ZFHX3: variants seen among roughly 807,000 people sequenced by gnomAD.
The protein encoded by ZFHX3 is zinc finger homeobox protein 3.
In ZFHX3, 42 loss-of-function variants were observed where a neutral mutation model predicts 279.1. The observed-to-expected ratio is 0.15, with a 90% CI of 0.12 to 0.19. ZFHX3 has a LOEUF of 0.19. Ranked by LOEUF, ZFHX3 falls within the 10% of genes least tolerant of loss-of-function variation. The pLI is 1.00. For synonymous variants in ZFHX3, 2,293 were observed against 1,957.8 expected (o/e 1.17, Z -4.52); for missense variants, 4,981 against 4,754.0 (o/e 1.05, Z -1.40).
intron 1 of ZFHX3, chr16:73,809,415 A>G (rs1209097675): frequency 6.6e-6 from 1 of 152,208 alleles, no homozygotes; most frequent in Non-Finnish European, 1.5e-5. Flanking sequence ...CTGCCGCTTC[A>G]TTCAAAGGAG....
intron 2 of ZFHX3, among the ~76,000 whole-genome samples, chr16:73,649,492 G>C (rs972665310): frequency 6.6e-6 from 1 of 152,142 alleles, no homozygotes; most frequent in Non-Finnish European, 1.5e-5. Flanking sequence ...TCAAGTGATT[G>C]TCTTTGGGTA....
intron 2 of ZFHX3, among the ~76,000 whole-genome samples, chr16:73,675,041 G>A (rs1314408728): frequency 6.6e-6 from 1 of 152,152 alleles, no homozygotes; most frequent in Non-Finnish European, 1.5e-5. Context: ...CCAGCTGTCA[G>A]TGATACTCTG....
chr16:73,791,190 C>A lies in ZFHX3; in HGVS notation c.-1608+100461G>T, dbSNP rs142533340. ...GTGTTGCCCAGGCTGGTCTCAAATG[C>A]CTGGACTCAAGCAATCCTCCTGCCT... On this transcript the variant is annotated intron_variant, in intron 1 of 17. Coordinates refer to the ZFHX3 transcript ENST00000641206. Among the ~76,000 whole-genome samples the A allele has an allele frequency of 1.6e-4, 25 of 152,250 alleles. No individual in the cohort carries two copies. The East Asian group carries it at 4.8e-3, about 29-fold the overall frequency.
chr16:73,570,968 G>A lies in ZFHX3; in HGVS notation c.-1547+109212C>T, dbSNP rs546655350. ...TCTTCTCAAAAAAAAAAAAAAATCTGCAAACACTGTGTTAAGACATCATTC... is the reference window on the plus strand; with the variant it reads ...TCTTCTCAAAAAAAAAAAAAAATCTACAAACACTGTGTTAAGACATCATTC... On this transcript the variant is annotated intron_variant, in intron 2 of 17. Coordinates refer to the ZFHX3 transcript ENST00000641206. 2.3e-5 allele frequency among the ~76,000 whole-genome samples: 3 copies of A among 132,256 alleles called. No individual in the cohort carries two copies. The East Asian group carries it at 6.2e-4, about 28-fold the overall frequency. 86.8% of individuals were successfully genotyped at this position (132,256 alleles called of 152,430 possible).
In ZFHX3 at chr16:73,424,643, G is replaced by A. The variant is rs754020167; in HGVS notation, c.-1291+31360C>T. 1.1e-4 allele frequency among the ~76,000 whole-genome samples: 16 copies of A among 150,882 alleles called. 1 individual carries two copies. Among genetic ancestry groups the A allele is most frequent in the Non-Finnish European group, 2.1e-4 (14 of 67,830 alleles). ...GTGGTCCATGCTTATAGTCTCAGCC[G>A]CTTGGGAGGCTGAGATGGGAGGAGC... On this transcript the variant is annotated intron_variant, in intron 3 of 17. Transcript: ENST00000641206.
At chr16:73,086,524 A>G (rs1170241815) in intron 8 of ZFHX3, among the ~76,000 whole-genome samples, 1 of 152,232 alleles carries the variant, frequency 6.6e-6, no homozygotes, top group African/African-American at 2.4e-5. Flanking sequence ...AATATTACTC[A>G]GCTACAAAAA....
chr16:72,894,751 T>C (rs964501938), intron 3 of ZFHX3, among the ~76,000 whole-genome samples: 1 of 152,172 alleles, frequency 6.6e-6, no homozygotes, highest in Non-Finnish European at 1.5e-5. Context: ...AGTGGTGCAC[T>C]CAAGAAAGGA....
At position 73,496,257 on chromosome 16, in the gene ZFHX3, G is replaced by A. The variant is rs548921352; in HGVS notation, c.-1546-39999C>T. ...TCTTAGAAACACATCGTGGCCGGGCGTGGCGGCTCACGCCTGTAATCCCAG... is the reference window on the plus strand; with the variant it reads ...TCTTAGAAACACATCGTGGCCGGGCATGGCGGCTCACGCCTGTAATCCCAG... On this transcript the variant is annotated intron_variant, in intron 2 of 17. Coordinates refer to the ZFHX3 transcript ENST00000641206. 3.3e-5 allele frequency among the ~76,000 whole-genome samples: 5 copies of A among 152,362 alleles called. No homozygotes were observed. The South Asian group carries it at 8.3e-4, about 25-fold the overall frequency.
intron 3 of ZFHX3, among the ~76,000 whole-genome samples, chr16:73,454,451 G>C (rs1052505971): frequency 4.0e-5 from 6 of 151,714 alleles, no homozygotes; most frequent in Non-Finnish European, 4.4e-5. Context: ...CGTGTTCTTT[G>C]AATTCCCTAA....
intron 3 of ZFHX3, among the ~76,000 whole-genome samples, chr16:73,436,016 T>C (rs1037531657): frequency 2.4e-4 from 37 of 152,176 alleles, no homozygotes; most frequent in Non-Finnish European, 2.2e-4. Context: ...AAGACACACC[T>C]GAGACTGGGT....
At chr16:73,568,040 G>A (rs189656624) in intron 2 of ZFHX3, among the ~76,000 whole-genome samples, 8 of 152,246 alleles carry the variant, frequency 5.3e-5, no homozygotes, top group Admixed American at 2.6e-4. Flanking sequence ...CTTCAACAAA[G>A]GGTCAGGAAG....
At chr16:73,057,023 A>T (rs1965570508) in intron 1 of ZFHX3, among the ~76,000 whole-genome samples, 1 of 152,214 alleles carries the variant, frequency 6.6e-6, no homozygotes, top group Non-Finnish European at 1.5e-5. Context: ...TATTCTTCAA[A>T]GGTACTTAAC....
At chr16:72,960,653 A>G (rs892826479) in intron 1 of ZFHX3, among the ~76,000 whole-genome samples, 46 of 152,130 alleles carry the variant, frequency 3.0e-4, no homozygotes. Flanking sequence ...AGGGGAACAC[A>G]GGGGAGGGCT....
At chr16:72,887,867 GTA>G (rs2038670185) in intron 4 of ZFHX3, among the ~76,000 whole-genome samples, 2 of 152,034 alleles carry the variant, frequency 1.3e-5, no homozygotes, top group African/African-American at 4.8e-5. Flanking sequence ...CAGAGAAAGT[GTA>G]TGTGTGTGCG....
At chr16:72,966,930 G>T (rs74881441) in intron 1 of ZFHX3, among the ~76,000 whole-genome samples, 2,068 of 152,340 alleles carry the variant, frequency 0.014, 21 homozygotes, top group South Asian at 0.041. Flanking sequence ...GAATGGAGAA[G>T]GGGATTGTGC....
intron 3 of ZFHX3, among the ~76,000 whole-genome samples, chr16:72,949,915 T>TC (rs903949624): frequency 5.1e-5 from 7 of 138,542 alleles, no homozygotes; most frequent in African/African-American, 1.5e-4. Flanking sequence ...TCTTTTCTTT[T>TC]TTTTTTTTTT....
rs1186487921 is a variant in ZFHX3 at position 72,787,702 on chromosome 16, C to A, written c.10574G>T (p.Gly3525Val). 1.5e-6 allele frequency: 2 copies of A among 1,317,882 alleles called. No individual in the cohort carries two copies. Among genetic ancestry groups the A allele is most frequent in the Non-Finnish European group, 2.0e-6 (2 of 1,003,390 alleles). The allele number at this position is 1,317,882 out of a possible 1,614,324, so 81.6% of individuals were successfully genotyped here. ...CGCCAGGCAGTGGTACGAGCCGCCGCCGCCGCCGCCGCCGCCACCGCCGCC... is the reference window on the plus strand; with the variant it reads ...CGCCAGGCAGTGGTACGAGCCGCCGACGCCGCCGCCGCCGCCACCGCCGCC... ...GGGGGGGGGG[G>V]GGSYHCLACE... The change falls in exon 10 of 10, where the codon GGC becomes GTC. Residue 3525 changes from glycine (G) to valine (V), a missense_variant. Around this residue, in one of 7 missense-constraint regions of ZFHX3, gnomAD observed 1,034 missense variants for 786.0 expected, o/e 1.32. Coordinates refer to ENST00000268489, the MANE Select transcript of ZFHX3 (RefSeq NM_006885.4).
intron 1 of ZFHX3, among the ~76,000 whole-genome samples, chr16:72,986,311 T>A (rs1007759112): frequency 3.3e-5 from 5 of 152,190 alleles, no homozygotes; most frequent in African/African-American, 1.2e-4. Flanking sequence ...TATGGGGTTT[T>A]ATCGATGGAG....
intron 2 of ZFHX3, among the ~76,000 whole-genome samples, chr16:73,484,940 C>T (rs2018947101): frequency 1.3e-5 from 2 of 151,874 alleles, no homozygotes; most frequent in African/African-American, 2.4e-5. Flanking sequence ...CACATACTCG[C>T]CTTTAGAACC....
Sources: allele counts gnomAD v4.1 joint callset (sites outside exome capture counted in the v4.1 genomes callset), GRCh38; gene constraint gnomAD v4.1.1; regional missense constraint gnomAD v4.1.1; transcripts MANE v1.5; gene names NCBI Gene and HGNC (gene_info 2026-07-23, HGNC 2026-07-21).